PTPN11: variants seen among roughly 807,000 people sequenced by gnomAD.
PTPN11 encodes the protein protein tyrosine phosphatase non-receptor type 11.
A neutral mutation model predicts 78.8 loss-of-function variants in PTPN11; 6 were observed. The observed-to-expected ratio is 0.08, with a 90% confidence interval of 0.04 to 0.15. PTPN11 has a LOEUF of 0.15. Ranked by LOEUF, PTPN11 falls within the 10% of genes least tolerant of loss-of-function variation. PTPN11 has a pLI of 1.00. For synonymous variants in PTPN11, 221 were observed against 263.5 expected, an observed-to-expected ratio of 0.84 and a Z score of 1.56; for missense variants, 386 against 744.8, an observed-to-expected ratio of 0.52 and a Z score of 5.61.
intron 1 of PTPN11, among the ~76,000 whole-genome samples, chr12:112,429,481 CTTTTTTTT>C (rs1177861343): frequency 3.6e-5 from 4 of 110,836 alleles, no homozygotes; most frequent in Non-Finnish European, 7.4e-5. Context: ...GTTGAAACTA[CTTTTTTTT>C]TTTTTTTTTT....
chr12:112,465,455 G>C (rs2038312560), intron 6 of PTPN11, among the ~76,000 whole-genome samples: 1 of 151,016 alleles, frequency 6.6e-6, no homozygotes, highest in African/African-American at 2.4e-5. Flanking sequence ...CCCTCTCTCT[G>C]TGCCTGCTGC....
intron 1 of PTPN11, among the ~76,000 whole-genome samples, chr12:112,433,104 G>T (rs1053273591): frequency 6.6e-6 from 1 of 151,998 alleles, no homozygotes; most frequent in Admixed American, 6.6e-5. Flanking sequence ...CAAGTGATCC[G>T]CCTGCCTCAG....
intron 1 of PTPN11, among the ~76,000 whole-genome samples, chr12:112,438,869 C>G (rs1400273952): frequency 6.6e-6 from 1 of 152,104 alleles, no homozygotes; most frequent in African/African-American, 2.4e-5. Context: ...AAGCAATCCT[C>G]CCACCCTAGC....
chr12:112,486,293 G>A (rs2038674030), intron 10 of PTPN11, among the ~76,000 whole-genome samples, 182 bp from the exon 11 acceptor site: 1 of 152,164 alleles, frequency 6.6e-6, no homozygotes, highest in African/African-American at 2.4e-5. Flanking sequence ...CAGAGGCAAA[G>A]AGTTGCCTCC....
At chr12:112,469,511 T>C (rs944060224) in intron 6 of PTPN11, among the ~76,000 whole-genome samples, 1 of 152,158 alleles carries the variant, frequency 6.6e-6, no homozygotes, top group Non-Finnish European at 1.5e-5. Flanking sequence ...GGGCAATTTC[T>C]TTTTTCTTTT....
chr12:112,489,383 A>G (rs899188172), intron 13 of PTPN11, among the ~76,000 whole-genome samples: 1 of 152,194 alleles, frequency 6.6e-6, no homozygotes, highest in African/African-American at 2.4e-5. Context: ...AGCTTAGGGA[A>G]GGGCACCATC....
At chr12:112,502,076 A>G in intron 13 of PTPN11, 68 bp from the exon 14 acceptor site, 5 of 1,293,384 alleles carry the variant, frequency 3.9e-6, no homozygotes, top group Non-Finnish European at 5.6e-6. Context: ...TGGGCAAAAT[A>G]CCTTTTTTGC....
chr12:112,427,532 C>A (rs747559985), intron 1 of PTPN11, among the ~76,000 whole-genome samples: 18 of 149,774 alleles, frequency 1.2e-4, no homozygotes, highest in Non-Finnish European at 2.4e-4. Flanking sequence ...GGCGACAGAG[C>A]GAGACTCTGT....
Position 112,418,967 on chromosome 12 carries a change from CT to C in PTPN11, c.-144del, listed in dbSNP as rs1209938497. The C allele has an allele frequency of 3.0e-6, 3 of 988,602 alleles. No homozygotes were observed. In the East Asian group the frequency reaches 8.6e-5, roughly 28 times the overall value. 61.2% of individuals were successfully genotyped at this position (988,602 alleles called of 1,614,324 possible). ...TGCACAGTCTCCGGGATCCCCAGGC[CT>C]GGAGGGGGGTCTGTGCGCGGCCGGC... On this transcript the variant is annotated 5_prime_UTR_variant, in exon 1 of 16. Transcript: ENST00000351677.
chr12:112,495,460 G>T (rs1383913033), intron 13 of PTPN11, among the ~76,000 whole-genome samples: 1 of 152,136 alleles, frequency 6.6e-6, no homozygotes, highest in Non-Finnish European at 1.5e-5. Flanking sequence ...CTTGAGTAAT[G>T]GATTTTTGGG....
chr12:112,474,147 G>A (rs2038461205), intron 7 of PTPN11, among the ~76,000 whole-genome samples: 1 of 151,842 alleles, frequency 6.6e-6, no homozygotes, highest in South Asian at 2.1e-4. Context: ...TTAGGAGTTC[G>A]AGAGTAGCCT....
At position 112,454,721 on chromosome 12, in the gene PTPN11, T is replaced by G. The variant is rs375023869; in HGVS notation, c.642+41T>G. ...AGCTCAAGCTTTCTCCTTAAAAACTTAAAACAAATCCTAATAGAGAATTTT... is the reference window on the plus strand; with the variant it reads ...AGCTCAAGCTTTCTCCTTAAAAACTGAAAACAAATCCTAATAGAGAATTTT... On this transcript the variant is annotated intron_variant, in intron 5 of 15. Coordinates refer to ENST00000351677, the MANE Select transcript of PTPN11 (RefSeq NM_002834.5). The G allele has an allele frequency of 4.7e-4, 691 of 1,459,798 alleles. 2 individuals carry two copies. Among genetic ancestry groups the G allele is most frequent in the Non-Finnish European group, 4.7e-4 (494 of 1,041,242 alleles). 90.4% of individuals were successfully genotyped at this position (1,459,798 alleles called of 1,614,324 possible). A position where few individuals can be genotyped will look rare whatever the true frequency, so the allele number is the denominator to read the frequency against.
chr12:112,465,980 G>T (rs921429901), intron 6 of PTPN11, among the ~76,000 whole-genome samples: 1 of 152,176 alleles, frequency 6.6e-6, no homozygotes, highest in Non-Finnish European at 1.5e-5. Context: ...CCTTCATTCA[G>T]CAAATACTGA....
At chr12:112,486,361 A>G in intron 10 of PTPN11, 114 bp from the exon 11 acceptor site, 1 of 1,125,914 alleles carries the variant, frequency 8.9e-7, no homozygotes, top group Non-Finnish European at 1.3e-6. Context: ...CTTTCAGTGG[A>G]ACCTGGGGAG....
intron 5 of PTPN11, chr12:112,454,936 C>CA (rs2038133446): frequency 4.1e-6 from 2 of 493,486 alleles, no homozygotes; most frequent in Non-Finnish European, 3.7e-6. Flanking sequence ...TCTCCTGCCT[C>CA]AGCCTCCTGA....
rs772805515 is a variant in PTPN11, at chr12:112,440,563, CT to C, written c.15-5685del. 3.5e-3 allele frequency among the ~76,000 whole-genome samples: 317 copies of C among 90,706 alleles called. 3 individuals are homozygous for C. Among genetic ancestry groups the C allele is most frequent in the Admixed American group, 0.019 (130 of 6,928 alleles). The allele number at this position is 90,706 out of a possible 152,430, so 59.5% of individuals were successfully genotyped here. On this transcript the variant is annotated intron_variant, in intron 1 of 15. Transcript: ENST00000351677. ...ACAGGCGTGAGCCACTGTGCCTGGCCTTTTTTTTTTTTTTTTTTTTTTTTTT... is the reference window on the plus strand; with the variant it reads ...ACAGGCGTGAGCCACTGTGCCTGGCCTTTTTTTTTTTTTTTTTTTTTTTTT...
intron 5 of PTPN11, 184 bp downstream of exon 5, chr12:112,454,864 G>C (rs2038132100): frequency 3.2e-6 from 2 of 631,140 alleles, no homozygotes; most frequent in Non-Finnish European, 5.7e-6. Flanking sequence ...CTGTCACCCA[G>C]TCTGGAGTAC....
chr12:112,424,963 T>C (rs1179769279), intron 1 of PTPN11, among the ~76,000 whole-genome samples: 13 of 99,896 alleles, frequency 1.3e-4, no homozygotes, highest in Admixed American at 1.2e-3. Flanking sequence ...TAATTGTGTG[T>C]GTGTGTGTGT....
intron 7 of PTPN11, among the ~76,000 whole-genome samples, chr12:112,476,865 G>T (rs2038512674): frequency 6.6e-6 from 1 of 152,074 alleles, no homozygotes; most frequent in Non-Finnish European, 1.5e-5. Context: ...GAACCCACAT[G>T]TACCCATCAC....
Sources: gnomAD v4.1 joint callset for allele counts (sites outside exome capture counted in the v4.1 genomes callset) on GRCh38, gnomAD v4.1.1 for gene constraint, MANE v1.5 for transcripts, NCBI Gene and HGNC (gene_info 2026-07-23, HGNC 2026-07-21) for gene names.